RB1: variants seen among roughly 807,000 people sequenced by gnomAD.
The protein encoded by RB1 is retinoblastoma-associated protein.
RB1 carries 18 observed loss-of-function variants against 135.4 expected under a neutral mutation model. The observed-to-expected ratio is 0.13, with a 90% CI of 0.09 to 0.20. RB1 has a LOEUF of 0.20. Among genes scored for constraint, RB1 ranks in the 10% least tolerant of loss-of-function variants. The pLI is 1.00. For missense variants in RB1, 868 were observed against 1,110.0 expected (o/e 0.78, Z 3.10); for synonymous variants, 365 against 373.2 (o/e 0.98, Z 0.25).
rs567992215 is a variant in RB1, at chr13:48,447,189, A to T, written c.1696-5804A>T. Among the ~76,000 whole-genome samples, 8 of 152,356 alleles carry T rather than the reference A, an allele frequency of 5.3e-5. No individual in the cohort carries two copies. The East Asian group carries it at 7.7e-4, about 15-fold the overall frequency. ...TCTTTTTTGCTTTGGGCAACTGGAT[A>T]CAAGGAGTGATTTAATGATATGGTA... On this transcript the variant is annotated intron_variant, in intron 17 of 26. Coordinates refer to ENST00000267163, the MANE Select transcript of RB1 (RefSeq NM_000321.3).
chr13:48,460,699 G>A (rs1430830327), intron 20 of RB1, among the ~76,000 whole-genome samples: 2 of 152,252 alleles, frequency 1.3e-5, no homozygotes, highest in East Asian at 1.9e-4. Flanking sequence ...AGTGGCTCAC[G>A]CCTGTAATCC....
At chr13:48,477,210 T>A (rs780215180) in intron 25 of RB1, 145 bp from the exon 26 acceptor site, 1 of 653,976 alleles carries the variant, frequency 1.5e-6, no homozygotes. Flanking sequence ...ATGTTTTAGA[T>A]GGTTAGTTTT....
rs571793074 is a variant in RB1, at chr13:48,393,246, A to G, written c.1695+11803A>G. Among the ~76,000 whole-genome samples, 29 of 152,278 alleles carry G rather than the reference A, an allele frequency of 1.9e-4. 2 individuals carry two copies. The highest frequency in any genetic ancestry group is 7.0e-4 in the African/African-American group (29 of 41,560). On this transcript the variant is annotated intron_variant, in intron 17 of 26. Coordinates refer to ENST00000267163, the MANE Select transcript of RB1 (RefSeq NM_000321.3). Reference sequence around the variant, plus strand: ...AGCTTAACCCTCTGCAGACCTCTGGAGTTCTCTTTTTGTAGCTTTCTTCTC... The same window carrying G: ...AGCTTAACCCTCTGCAGACCTCTGGGGTTCTCTTTTTGTAGCTTTCTTCTC...
chr13:48,332,274 T>G (rs1305933433), intron 2 of RB1, among the ~76,000 whole-genome samples: 6 of 152,210 alleles, frequency 3.9e-5, no homozygotes, highest in Non-Finnish European at 8.8e-5. Context: ...CTTTCAGTTA[T>G]AAAATGAATA....
chr13:48,327,665 A>G (rs1345903080), intron 2 of RB1, among the ~76,000 whole-genome samples: 1 of 152,200 alleles, frequency 6.6e-6, no homozygotes, highest in East Asian at 1.9e-4. Context: ...CCCTCTCTCT[A>G]TAAGGCTATT....
rs1464633359 is a variant in RB1 at position 48,376,976 on chromosome 13, T to A, written c.1274T>A (p.Ile425Asn). Residue 425 changes from isoleucine to asparagine, a missense_variant, in exon 13 of 27, where the codon ATC (isoleucine) becomes AAC (asparagine). Physicochemically the swap from Ile to Asn is moderately radical, Grantham distance 149 (BLOSUM62 -3). Around this residue, in one of 3 missense-constraint regions of RB1, gnomAD observed 641 missense variants for 791.3 expected, o/e 0.81. Coordinates refer to ENST00000267163, the MANE Select transcript of RB1 (RefSeq NM_000321.3). Reference sequence around the variant, plus strand: ...AAAAGAGTGAAGGATATAGGATACATCTTTAAAGAGAAATTTGCTAAAGCT... The same window carrying A: ...AAAAGAGTGAAGGATATAGGATACAACTTTAAAGAGAAATTTGCTAAAGCT... ...ILKRVKDIGY[I>N]FKEKFAKAVG... 1.2e-6 allele frequency: 2 copies of A among 1,613,856 alleles called. No individual in the cohort carries two copies. Among genetic ancestry groups the A allele is most frequent in the African/African-American group, 1.3e-5 (1 of 75,030 alleles).
intron 10 of RB1, 30 bp from the exon 11 acceptor site, chr13:48,368,497 A>G (rs368948327): frequency 1.7e-5 from 27 of 1,611,916 alleles, no homozygotes; most frequent in Middle Eastern, 1.6e-4. Context: ...AATTTTCAGT[A>G]TGTGAATGAC....
intron 17 of RB1, chr13:48,411,353 G>C (rs1272100840): frequency 2.0e-6 from 3 of 1,536,914 alleles, no homozygotes; most frequent in Non-Finnish European, 2.7e-6. Flanking sequence ...GAAGGAACTT[G>C]AAAGTTCTGT....
intron 2 of RB1, among the ~76,000 whole-genome samples, chr13:48,324,737 T>TTGC (rs1398845107): frequency 2.0e-5 from 3 of 152,202 alleles, no homozygotes; most frequent in Non-Finnish European, 4.4e-5. Context: ...AGTGGTGGGA[T>TTGC]TGCTGTATCA....
chr13:48,307,859 C>T (rs1036158327), intron 2 of RB1, among the ~76,000 whole-genome samples: 3 of 148,532 alleles, frequency 2.0e-5, no homozygotes, highest in African/African-American at 5.0e-5. Flanking sequence ...GAGAGTCTGT[C>T]TCAAAAAAAA....
At chr13:48,352,652 T>G (rs1952558332) in intron 6 of RB1, among the ~76,000 whole-genome samples, 2 of 152,172 alleles carry the variant, frequency 1.3e-5, no homozygotes, top group Admixed American at 6.5e-5. Flanking sequence ...GGCTCTCAGC[T>G]TGGCTCTTGT....
intron 2 of RB1, chr13:48,318,668 C>T (rs888968116): frequency 3.3e-6 from 2 of 610,682 alleles, no homozygotes; most frequent in African/African-American, 1.9e-5. Context: ...TTTTCTTGGG[C>T]GTGGACGGCC....
intron 17 of RB1, among the ~76,000 whole-genome samples, chr13:48,430,085 C>T (rs1160231386): frequency 1.3e-5 from 2 of 151,992 alleles, no homozygotes; most frequent in African/African-American, 4.8e-5. Flanking sequence ...GAAAAAAATC[C>T]CCTCCTAATT....
rs4151492 is a variant in RB1 at position 48,365,332 on chromosome 13, T to G, written c.939+361T>G. The stretch of plus-strand genomic sequence containing the variant: ...TAAGCCTCATTAAGCGTAGGAACCA[T>G]GATTAATGCCATCAACATTATTGGC... On this transcript the variant is annotated intron_variant, in intron 9 of 26. Coordinates refer to ENST00000267163, the MANE Select transcript of RB1 (RefSeq NM_000321.3). Among the ~76,000 whole-genome samples, 54 of 152,352 alleles carry G rather than the reference T, an allele frequency of 3.5e-4. 1 individual carries two copies. The highest frequency in any genetic ancestry group is 3.5e-3 in the Admixed American group (53 of 15,306).
chr13:48,366,125 A>G (rs1243844037), intron 9 of RB1, among the ~76,000 whole-genome samples: 2 of 152,198 alleles, frequency 1.3e-5, no homozygotes, highest in East Asian at 1.9e-4. Flanking sequence ...CAATTAAAAT[A>G]TGGTACTGAA....
At chr13:48,463,656 A>G in intron 20 of RB1, 75 bp from the exon 21 acceptor site, 1 of 953,728 alleles carries the variant, frequency 1.0e-6, no homozygotes, top group Admixed American at 1.7e-5. Context: ...AGGCTAAAAG[A>G]AAGAAAATGG....
At chr13:48,457,089 A>G (rs1192064063) in intron 19 of RB1, among the ~76,000 whole-genome samples, 1 of 152,190 alleles carries the variant, frequency 6.6e-6, no homozygotes, top group East Asian at 1.9e-4. Flanking sequence ...TCCTGCAGCC[A>G]GGAAGAATGA....
At chr13:48,477,664 C>T (rs1233434579) in intron 26 of RB1, among the ~76,000 whole-genome samples, 3 of 152,114 alleles carry the variant, frequency 2.0e-5, no homozygotes, top group African/African-American at 7.2e-5. Flanking sequence ...CCACATTCAA[C>T]ACAAATGGCT....
At chr13:48,317,034 C>T in intron 2 of RB1, 1 of 638,000 alleles carries the variant, frequency 1.6e-6, no homozygotes, top group Non-Finnish European at 2.5e-6. Flanking sequence ...CGAGTTCCTC[C>T]TGTCGGGCAA....
Sources: gnomAD v4.1 joint callset for allele counts (sites outside exome capture counted in the v4.1 genomes callset) on GRCh38, gnomAD v4.1.1 for gene constraint, gnomAD v4.1.1 regional missense constraint, MANE v1.5 for transcripts, NCBI Gene and HGNC (gene_info 2026-07-23, HGNC 2026-07-21) for gene names.